Variants in CHD6 observed in about 807,000 individuals in gnomAD.
The protein encoded by CHD6 is chromodomain helicase DNA binding protein 6.
In CHD6, 50 loss-of-function variants were observed where a neutral mutation model predicts 276.9. That is an observed-to-expected ratio of 0.18 (90% confidence interval 0.14 to 0.23). The LOEUF (loss-of-function observed/expected upper bound fraction) is 0.23. Ranked by LOEUF, CHD6 falls within the 10% of genes least tolerant of loss-of-function variation. The pLI, the probability that CHD6 is intolerant of heterozygous loss-of-function variation, is 1.00. For synonymous variants in CHD6, 1,173 were observed against 1,229.3 expected (o/e 0.95, Z 0.96); for missense variants, 2,564 against 3,365.8 (o/e 0.76, Z 5.89).
At position 41,405,335 on chromosome 20, in the gene CHD6, A is replaced by G; in HGVS notation, c.7406T>C (p.Met2469Thr). 6.2e-7 allele frequency: 1 copy of G among 1,614,210 alleles called. No individual in the cohort carries two copies. The highest frequency in any genetic ancestry group is 8.5e-7 in the Non-Finnish European group (1 of 1,180,040). Residue 2469 changes from methionine (M) to threonine (T), a missense_variant, in exon 37 of 37, where the codon ATG becomes ACG. Coordinates refer to ENST00000373233, the MANE Select transcript of CHD6 (RefSeq NM_032221.5). ...DSPSGMGPLFMNGLIAGMDLV... is the reference protein window; with the variant it reads ...DSPSGMGPLFTNGLIAGMDLV... ...GTCCATCCCAGCAATCAGTCCATTCATGAACAGTGGCCCCATTCCAGAGGG... is the reference window on the plus strand; with the variant it reads ...GTCCATCCCAGCAATCAGTCCATTCGTGAACAGTGGCCCCATTCCAGAGGG...
intron 29 of CHD6, among the ~76,000 whole-genome samples, chr20:41,424,086 C>A (rs1416527225): frequency 6.6e-6 from 1 of 151,666 alleles, no homozygotes; most frequent in Admixed American, 6.6e-5. Flanking sequence ...TTTTTTTTTA[C>A]CCGTATGGCA....
intron 7 of CHD6, chr20:41,497,862 C>T (rs2043726044): frequency 6.9e-6 from 3 of 435,894 alleles, no homozygotes; most frequent in South Asian, 5.6e-5. Flanking sequence ...TGGTTCTCTA[C>T]CCTGGTTGCA....
chr20:41,542,972 C>T (rs770617421), intron 2 of CHD6, among the ~76,000 whole-genome samples: 10 of 151,840 alleles, frequency 6.6e-5, no homozygotes, highest in Non-Finnish European at 1.0e-4. Flanking sequence ...GGTGTGGTGG[C>T]GTGTGCCTGT....
In CHD6 at chr20:41,474,014, C is replaced by G. The variant is rs6065359; in HGVS notation, c.2469-497G>C. Among the ~76,000 whole-genome samples, 3 of 152,288 alleles carry G rather than the reference C, an allele frequency of 2.0e-5. No homozygotes were observed. The East Asian group carries it at 5.8e-4, about 29-fold the overall frequency. On this transcript the variant is annotated intron_variant, in intron 16 of 36. Transcript: ENST00000373233. ...AAGAAGATTAAACTGTGAGGCAGTC[C>G]TTTTATGTCACTTCTAGCCTACCAA... is the stretch of plus-strand genomic sequence containing the variant.
intron 3 of CHD6, among the ~76,000 whole-genome samples, chr20:41,521,581 G>A (rs937859719): frequency 1.3e-5 from 2 of 151,778 alleles, no homozygotes; most frequent in Non-Finnish European, 2.9e-5. Context: ...GTATATATGT[G>A]TGTACATATA....
chr20:41,569,767 C>A (rs1007326641), intron 1 of CHD6, among the ~76,000 whole-genome samples: 19 of 152,038 alleles, frequency 1.2e-4, no homozygotes, highest in African/African-American at 4.3e-4. Context: ...AAATACAGTA[C>A]AACAACTATT....
At chr20:41,549,500 G>T (rs1401525753) in intron 2 of CHD6, among the ~76,000 whole-genome samples, 16 of 95,474 alleles carry the variant, frequency 1.7e-4, no homozygotes, top group African/African-American at 6.6e-4. Context: ...TTGTGGGGTG[G>T]GGGGAGGGGG....
Position 41,420,987 on chromosome 20 carries a change from C to G in CHD6, c.5648G>C (p.Gly1883Ala). 2 of 1,614,130 alleles carry G rather than the reference C, an allele frequency of 1.2e-6. No homozygotes were observed. The highest frequency in any genetic ancestry group is 8.5e-7 in the Non-Finnish European group (1 of 1,180,006). Reference protein sequence around the residue: ...NEEENLAMAVGMGERPEVLHL... With the variant: ...NEEENLAMAVAMGERPEVLHL... ...CAATACCTCTGGCCTTTCCCCCATG[C>G]CTACTGCCATGGCTAAGTTTTCCTC... The change falls in exon 31 of 37, where the codon GGC (glycine) becomes GCC (alanine). Residue 1883 changes from glycine (G) to alanine (A), a missense_variant. Physicochemically the swap from Gly to Ala is moderately conservative, Grantham distance 60. Transcript: ENST00000373233.
intron 3 of CHD6, among the ~76,000 whole-genome samples, chr20:41,521,393 A>C (rs895779218): frequency 6.6e-6 from 1 of 152,142 alleles, no homozygotes; most frequent in African/African-American, 2.4e-5. Flanking sequence ...CAAACGAGTG[A>C]ACGTATTGAT....
intron 16 of CHD6, among the ~76,000 whole-genome samples, chr20:41,482,256 A>C (rs966383713): frequency 2.6e-5 from 4 of 152,166 alleles, no homozygotes; most frequent in African/African-American, 9.6e-5. Flanking sequence ...TAGTGAATTG[A>C]AAGCTACAAA....
chr20:41,595,384 C>T (rs190111569), intron 1 of CHD6, among the ~76,000 whole-genome samples: 2 of 152,150 alleles, frequency 1.3e-5, no homozygotes, highest in African/African-American at 2.4e-5. Context: ...AGGTGGGGCA[C>T]GCCTTTCCTG....
chr20:41,440,365 G>A (rs1381687812), intron 25 of CHD6, among the ~76,000 whole-genome samples: 5 of 152,294 alleles, frequency 3.3e-5, no homozygotes, highest in East Asian at 1.9e-4. Flanking sequence ...CTCAGTGTCC[G>A]TGAAAAGACA....
chr20:41,414,998 C>T (rs775828152), intron 34 of CHD6, 188 bp downstream of exon 34: 40 of 1,425,266 alleles, frequency 2.8e-5, no homozygotes, highest in Admixed American at 5.9e-5. Context: ...GCAGATTAAG[C>T]GCCATTAATG....
At chr20:41,565,651 A>AGTACAATAATTAGAC in intron 1 of CHD6, among the ~76,000 whole-genome samples, 1 of 151,864 alleles carries the variant, frequency 6.6e-6, no homozygotes, top group South Asian at 2.1e-4. Context: ...TTGACTCCGA[A>AGTACAATAATTAGAC]GTACAATAAT....
intron 1 of CHD6, among the ~76,000 whole-genome samples, chr20:41,566,937 AG>A (rs536113049): frequency 6.6e-6 from 1 of 152,182 alleles, no homozygotes; most frequent in Non-Finnish European, 1.5e-5. Flanking sequence ...CATGAACAAG[AG>A]GGCCCAACCG....
At chr20:41,427,371 G>A (rs577604638) in intron 27 of CHD6, among the ~76,000 whole-genome samples, 1 of 152,206 alleles carries the variant, frequency 6.6e-6, no homozygotes, top group East Asian at 1.9e-4. Context: ...GGAGAACTAC[G>A]TGTTAAGCAT....
At chr20:41,477,464 G>A (rs1336003145) in intron 16 of CHD6, among the ~76,000 whole-genome samples, 3 of 151,472 alleles carry the variant, frequency 2.0e-5, no homozygotes, top group Non-Finnish European at 4.4e-5. Flanking sequence ...ATGAAAATAA[G>A]ACTTCGATTA....
chr20:41,451,160 C>CGG (rs2048228479), intron 22 of CHD6, 55 bp from the exon 23 acceptor site: 1 of 1,518,590 alleles, frequency 6.6e-7, no homozygotes, highest in Non-Finnish European at 9.1e-7. Flanking sequence ...GTGTTACACA[C>CGG]GGGTTTTAGA....
chr20:41,597,914 G>A (rs4810328), intron 1 of CHD6, among the ~76,000 whole-genome samples: 57,058 of 151,848 alleles, frequency 0.38, 13,279 homozygotes, highest in African/African-American at 0.64. Flanking sequence ...TCTATTAACT[G>A]GGGAGTTCCC....
Sources: gnomAD v4.1 joint callset for allele counts (sites outside exome capture counted in the v4.1 genomes callset) on GRCh38, gnomAD v4.1.1 for gene constraint, MANE v1.5 for transcripts, NCBI Gene and HGNC (gene_info 2026-07-23, HGNC 2026-07-21) for gene names.